The following KIAA0825 variants were observed in gnomAD, a reference collection of about 807,000 sequenced individuals.
KIAA0825 encodes uncharacterized protein KIAA0825.
KIAA0825 carries 119 observed loss-of-function variants against 147.6 expected under a neutral mutation model. The ratio of observed to expected loss-of-function variants is 0.81; its 90% CI spans 0.69 to 0.94. KIAA0825 has a LOEUF of 0.94. Ranked by LOEUF, KIAA0825 falls within the 40% of genes least tolerant of loss-of-function variation. The probability of loss-of-function intolerance (pLI) is 0.00; values close to 1 mark genes in which losing one functional copy is unlikely to be tolerated. For missense variants in KIAA0825, 1,381 were observed against 1,472.7 expected (o/e 0.94, Z 1.02); for synonymous variants, 470 against 518.1 (o/e 0.91, Z 1.26).
rs181999951 is a variant in KIAA0825 at position 94,608,365 on chromosome 5, G to A, written c.-153+10135C>T. On this transcript the variant is annotated intron_variant, in intron 1 of 20. Coordinates refer to ENST00000682413, the MANE Select transcript of KIAA0825 (RefSeq NM_001145678.3). The stretch of plus-strand genomic sequence containing the variant: ...CAACCTCTACCTCCCAAGTTCAAGT[G>A]ATTCTCATGCCTCAGCCTCCCAAGT... 5.3e-3 allele frequency among the ~76,000 whole-genome samples: 668 copies of A among 125,396 alleles called. 7 individuals carry two copies. Among genetic ancestry groups the A allele is most frequent in the Non-Finnish European group, 8.0e-3 (493 of 61,840 alleles). The allele number at this position is 125,396 out of a possible 152,430, so 82.3% of individuals were successfully genotyped here.
chr5:94,455,764 G>A (rs1185451232), intron 12 of KIAA0825, among the ~76,000 whole-genome samples: 1 of 152,122 alleles, frequency 6.6e-6, no homozygotes, highest in Non-Finnish European at 1.5e-5. Flanking sequence ...TCATGATGGT[G>A]TGGATTTTCT....
intron 20 of KIAA0825, among the ~76,000 whole-genome samples, chr5:94,170,172 G>A (rs1285066587): frequency 2.6e-5 from 4 of 152,128 alleles, no homozygotes; most frequent in African/African-American, 9.7e-5. Context: ...GGTGGCGGGT[G>A]CCTGTAGTCC....
chr5:94,268,653 A>T (rs1292231711), intron 20 of KIAA0825, among the ~76,000 whole-genome samples: 1 of 152,170 alleles, frequency 6.6e-6, no homozygotes, highest in Non-Finnish European at 1.5e-5. Context: ...GAAAAGGATT[A>T]CTGGTCATGC....
chr5:94,399,697 C>T (rs1454395864), intron 16 of KIAA0825, among the ~76,000 whole-genome samples: 1 of 151,904 alleles, frequency 6.6e-6, no homozygotes, highest in Non-Finnish European at 1.5e-5. Flanking sequence ...AATTTTAGAG[C>T]TGATAAAGTA....
chr5:94,352,706 T>A (rs1783815072), intron 20 of KIAA0825, among the ~76,000 whole-genome samples: 1 of 152,228 alleles, frequency 6.6e-6, no homozygotes, highest in African/African-American at 2.4e-5. Flanking sequence ...AAAGAAACTG[T>A]AGTATACATA....
intron 20 of KIAA0825, among the ~76,000 whole-genome samples, chr5:94,179,869 A>G (rs1769443756): frequency 6.6e-6 from 1 of 152,022 alleles, no homozygotes; most frequent in African/African-American, 2.4e-5. Context: ...AATATAAATA[A>G]TAACTGAGTA....
intron 20 of KIAA0825, among the ~76,000 whole-genome samples, chr5:94,227,837 G>A (rs553521444): frequency 3.4e-4 from 52 of 151,798 alleles, no homozygotes; most frequent in Middle Eastern, 3.5e-3. Context: ...GTTGAGGGCT[G>A]GGAGAGGGAT....
At chr5:94,571,589 A>C (rs528541220) in intron 2 of KIAA0825, among the ~76,000 whole-genome samples, 3 of 152,358 alleles carry the variant, frequency 2.0e-5, no homozygotes, top group African/African-American at 7.2e-5. Flanking sequence ...TCTGTGGCTA[A>C]GTATTAAAAG....
intron 20 of KIAA0825, among the ~76,000 whole-genome samples, chr5:94,364,532 A>C (rs2434713): frequency 0.44 from 66,858 of 151,482 alleles, 15,250 homozygotes; most frequent in Non-Finnish European, 0.51. Flanking sequence ...CAGGCACCTG[A>C]CACCACGCCC....
intron 1 of KIAA0825, among the ~76,000 whole-genome samples, chr5:94,583,289 T>C (rs1387699049): frequency 6.6e-6 from 1 of 152,196 alleles, no homozygotes; most frequent in African/African-American, 2.4e-5. Context: ...GAAGCAATAG[T>C]ACATTCCTGT....
At position 94,220,362 on chromosome 5, in the gene KIAA0825, A is replaced by AT. The variant is rs544030847; in HGVS notation, c.3711-66239dup. Among the ~76,000 whole-genome samples, 1,112 of 149,848 alleles carry AT rather than the reference A, an allele frequency of 7.4e-3. 7 individuals carry two copies. The highest frequency in any genetic ancestry group is 0.012 in the Non-Finnish European group (812 of 67,276). ...CACCTAAGGCTGTTTTACAGTTAAC[A>AT]TTTTTTTTTTAATAAGTAGGAGTAC... On this transcript the variant is annotated intron_variant, in intron 20 of 20. Coordinates refer to ENST00000682413, the MANE Select transcript of KIAA0825 (RefSeq NM_001145678.3).
intron 20 of KIAA0825, among the ~76,000 whole-genome samples, chr5:94,212,691 C>G (rs1198016115): frequency 6.6e-6 from 1 of 152,186 alleles, no homozygotes. Context: ...TAAGGAACCT[C>G]AGTTTGGGAA....
chr5:94,283,122 T>G (rs1777531733), intron 20 of KIAA0825, among the ~76,000 whole-genome samples: 1 of 152,052 alleles, frequency 6.6e-6, no homozygotes, highest in South Asian at 2.1e-4. Flanking sequence ...TTCAGAGACT[T>G]TATATTTAAA....
At chr5:94,567,852 C>A (rs1301720596) in intron 2 of KIAA0825, 3 of 155,404 alleles carry the variant, frequency 1.9e-5, no homozygotes, top group Non-Finnish European at 4.3e-5. Flanking sequence ...GAAGGCCCTA[C>A]CCCCATCTCA....
chr5:94,254,598 ATAAT>A (rs1776146357), intron 20 of KIAA0825, among the ~76,000 whole-genome samples: 2 of 152,196 alleles, frequency 1.3e-5, no homozygotes, highest in African/African-American at 4.8e-5. Flanking sequence ...TGTAAAGCAA[ATAAT>A]TTATATCTTC....
chr5:94,421,584 A>T (rs2150735504), intron 14 of KIAA0825, among the ~76,000 whole-genome samples: 1 of 152,298 alleles, frequency 6.6e-6, no homozygotes, highest in Admixed American at 6.5e-5. Flanking sequence ...TCCCCTTCTC[A>T]AAATGAATTG....
intron 20 of KIAA0825, among the ~76,000 whole-genome samples, chr5:94,198,336 A>G (rs1390500564): frequency 6.6e-6 from 1 of 152,130 alleles, no homozygotes; most frequent in African/African-American, 2.4e-5. Context: ...TGAAGTTATC[A>G]GTTCTAAGAG....
chr5:94,590,286 C>A (rs1348525789), intron 1 of KIAA0825, among the ~76,000 whole-genome samples: 1 of 152,152 alleles, frequency 6.6e-6, no homozygotes, highest in Non-Finnish European at 1.5e-5. Context: ...TGAGACACAG[C>A]ACTCAGCCTC....
intron 20 of KIAA0825, among the ~76,000 whole-genome samples, chr5:94,278,414 A>G (rs987242496): frequency 1.4e-4 from 22 of 152,196 alleles, no homozygotes; most frequent in African/African-American, 5.3e-4. Flanking sequence ...AGTATTCCAT[A>G]TAGAAAATTC....
Sources: allele counts gnomAD v4.1 joint callset (sites outside exome capture counted in the v4.1 genomes callset), GRCh38; gene constraint gnomAD v4.1.1; transcripts MANE v1.5; gene names NCBI Gene and HGNC (gene_info 2026-07-23, HGNC 2026-07-21).